The following FLT1 variants were observed in gnomAD, a reference collection of about 807,000 sequenced individuals.
FLT1 encodes vascular endothelial growth factor receptor 1.
Under a neutral mutation model 156.3 loss-of-function variants are expected in FLT1, and 49 were observed. The ratio of observed to expected loss-of-function variants is 0.31; its 90% CI spans 0.25 to 0.40. The LOEUF (loss-of-function observed/expected upper bound fraction) is 0.40. FLT1 is among the 10% of genes least tolerant of loss of function. The pLI is 1.00. For missense variants in FLT1, 1,322 were observed against 1,637.2 expected, an observed-to-expected ratio of 0.81 and a Z score of 3.32; for synonymous variants, 594 against 583.8, an observed-to-expected ratio of 1.02 and a Z score of -0.25.
At chr13:28,427,583 A>T (rs1227806755) in intron 9 of FLT1, among the ~76,000 whole-genome samples, 169 bp downstream of exon 9, 1 of 152,232 alleles carries the variant, frequency 6.6e-6, no homozygotes, top group Non-Finnish European at 1.5e-5. Context: ...ATGGAATACA[A>T]CAAACAAACA....
At chr13:28,480,082 A>G (rs903472089) in intron 1 of FLT1, among the ~76,000 whole-genome samples, 42 of 152,276 alleles carry the variant, frequency 2.8e-4, no homozygotes, top group African/African-American at 1.0e-3. Context: ...TGATGAACTG[A>G]GTTAAGGGTT....
rs554338668 is a variant in FLT1, at chr13:28,357,889, T to C, written c.2117-204A>G. On this transcript the variant is annotated intron_variant, in intron 14 of 29. Transcript: ENST00000282397. The stretch of plus-strand genomic sequence containing the variant: ...TTTCCTTTTTTTTTTTTTTTTTTTT[T>C]CTGCAGGCTTTCTAATAGCACCTTC... Among the ~76,000 whole-genome samples the C allele has an allele frequency of 3.0e-3, 435 of 145,180 alleles. 2 individuals are homozygous for C. Among genetic ancestry groups the C allele is most frequent in the Non-Finnish European group, 4.0e-3 (264 of 66,476 alleles).
At chr13:28,389,426 T>C (rs1874563402) in intron 13 of FLT1, 1 of 1,283,696 alleles carries the variant, frequency 7.8e-7, no homozygotes, top group Non-Finnish European at 9.8e-7. Flanking sequence ...TCATCCCAAG[T>C]TGTTGTTTAT....
At position 28,322,865 on chromosome 13, in the gene FLT1, C is replaced by A. The variant is rs554058758; in HGVS notation, c.2878G>T (p.Val960Phe). The A allele has an allele frequency of 6.2e-7, 1 of 1,614,002 alleles. No homozygotes were observed. Among genetic ancestry groups the A allele is most frequent in the Non-Finnish European group, 8.5e-7 (1 of 1,180,008 alleles). Reference sequence around the variant, plus strand: ...CTCGCAAAGCTTTCGCTGCTGGTGACGCTATCTAGTCTTGGTTTCTTGCCT... The same window carrying A: ...CTCGCAAAGCTTTCGCTGCTGGTGAAGCTATCTAGTCTTGGTTTCTTGCCT... The part of the protein sequence containing the change: ...EQGKKPRLDS[V>F]TSSESFASSG... The change falls in exon 21 of 30, where the codon GTC (valine) becomes TTC (phenylalanine). Residue 960 changes from valine to phenylalanine, a missense_variant. This residue lies in a region of FLT1 where 991 missense variants were observed against 1,254.8 expected (regional missense o/e 0.79). Coordinates refer to ENST00000282397, the MANE Select transcript of FLT1 (RefSeq NM_002019.4). This position sits in a 1 kb window ranked among gnomAD's most constrained non-coding sequence, Gnocchi z 4.3.
At chr13:28,365,168 C>G (rs1873243731) in intron 14 of FLT1, among the ~76,000 whole-genome samples, 1 of 152,022 alleles carries the variant, frequency 6.6e-6, no homozygotes, top group Admixed American at 6.6e-5. Flanking sequence ...TTTAGGTTTT[C>G]TTTTATGTCA....
intron 14 of FLT1, among the ~76,000 whole-genome samples, chr13:28,365,690 C>T (rs1873266566): frequency 6.6e-6 from 1 of 152,134 alleles, no homozygotes; most frequent in South Asian, 2.1e-4. Flanking sequence ...CTTTGTGTTT[C>T]TGAGATAGTT....
chr13:28,314,379 C>T (rs1306564651), intron 25 of FLT1, among the ~76,000 whole-genome samples: 1 of 151,956 alleles, frequency 6.6e-6, no homozygotes, highest in Non-Finnish European at 1.5e-5. Flanking sequence ...CAAATCATCT[C>T]AGCAAACATC....
rs1373910217 is a variant in FLT1 at position 28,302,431 on chromosome 13, T to C, written c.*736A>G. 1.7e-5 allele frequency: 4 copies of C among 233,156 alleles called. No homozygotes were observed. The highest frequency in any genetic ancestry group is 3.4e-5 in the Non-Finnish European group (4 of 118,072). 14.4% of individuals were successfully genotyped at this position (233,156 alleles called of 1,614,324 possible). A position where few individuals can be genotyped will look rare whatever the true frequency, so the allele number is the denominator to read the frequency against. On this transcript the variant is annotated 3_prime_UTR_variant, in exon 30 of 30. Transcript: ENST00000282397. Reference sequence around the variant, plus strand: ...GAGAATGGACATAGAACCACTTCCATAGGTAAAGTTCTAAAATTTGCTTTA... The same window carrying C: ...GAGAATGGACATAGAACCACTTCCACAGGTAAAGTTCTAAAATTTGCTTTA...
intron 3 of FLT1, among the ~76,000 whole-genome samples, chr13:28,447,472 C>A (rs886705517): frequency 6.6e-6 from 1 of 152,092 alleles, no homozygotes; most frequent in Non-Finnish European, 1.5e-5. Flanking sequence ...CAGGCATGAG[C>A]CACCACACCT....
At chr13:28,418,965 T>G (rs1876824153) in intron 10 of FLT1, among the ~76,000 whole-genome samples, 1 of 152,112 alleles carries the variant, frequency 6.6e-6, no homozygotes, top group Non-Finnish European at 1.5e-5. Context: ...TAATCACCAT[T>G]CCGTAAAACT....
At chr13:28,413,196 C>G (rs1262921955) in intron 10 of FLT1, among the ~76,000 whole-genome samples, 2 of 152,128 alleles carry the variant, frequency 1.3e-5, no homozygotes, top group Non-Finnish European at 2.9e-5. Context: ...TGGGCCACCT[C>G]TGTTTAGATA....
Position 28,467,030 on chromosome 13 carries a change from T to C in FLT1, c.261A>G (p.Gln87=). The C allele has an allele frequency of 1.2e-6, 2 of 1,614,122 alleles. No individual in the cohort carries two copies. Among genetic ancestry groups the C allele is most frequent in the Non-Finnish European group, 1.7e-6 (2 of 1,179,948 alleles). Residue 87 remains glutamine, a synonymous_variant, in exon 3 of 30, where the codon CAA becomes CAG. Transcript: ENST00000282397. ...TKSACGRNGK[Q]FCSTLTLNTA... is the part of the protein sequence containing the mutation. ...TGTTCAAGGTTAAAGTACTGCAGAA[T>C]TGTTTGCCATTTCTTCCACAGGCAG...
At chr13:28,372,069 TATATA>T (rs1873614836) in intron 14 of FLT1, among the ~76,000 whole-genome samples, 2 of 28,820 alleles carry the variant, frequency 6.9e-5, no homozygotes, top group Admixed American at 8.9e-4. Context: ...TATATATATA[TATATA>T]TATTTTTTTT....
intron 14 of FLT1, among the ~76,000 whole-genome samples, chr13:28,376,747 G>A (rs771548309): frequency 3.9e-5 from 6 of 152,110 alleles, no homozygotes; most frequent in Admixed American, 1.3e-4. Context: ...AATATTTTAC[G>A]ACCTCATTGG....
chr13:28,349,492 A>T (rs1354027373), intron 15 of FLT1, among the ~76,000 whole-genome samples: 1 of 151,978 alleles, frequency 6.6e-6, no homozygotes, highest in Non-Finnish European at 1.5e-5. Flanking sequence ...ACACGCACAC[A>T]TTCTTGCTTA....
intron 14 of FLT1, among the ~76,000 whole-genome samples, chr13:28,376,787 G>T (rs1237703562): frequency 6.6e-6 from 1 of 152,196 alleles, no homozygotes. Flanking sequence ...AGGTAGAAAG[G>T]AGACTTTTTG....
At chr13:28,463,431 C>A (rs1337031109) in intron 3 of FLT1, among the ~76,000 whole-genome samples, 1 of 152,118 alleles carries the variant, frequency 6.6e-6, no homozygotes, top group Non-Finnish European at 1.5e-5. Flanking sequence ...GAGCTATACT[C>A]CTGATTCTTT....
At chr13:28,303,600 G>C (rs1870612501) in intron 29 of FLT1, among the ~76,000 whole-genome samples, 1 of 151,918 alleles carries the variant, frequency 6.6e-6, no homozygotes, top group Non-Finnish European at 1.5e-5. Context: ...CTGGGGGAGG[G>C]TATGAAATGT....
intron 16 of FLT1, among the ~76,000 whole-genome samples, chr13:28,341,954 C>A (rs1473011599): frequency 6.6e-6 from 1 of 152,160 alleles, no homozygotes; most frequent in African/African-American, 2.4e-5. Context: ...ATGATCTCAG[C>A]TCACTGCAAC....
Sources: allele counts gnomAD v4.1 joint callset (sites outside exome capture counted in the v4.1 genomes callset), GRCh38; gene constraint gnomAD v4.1.1; regional missense constraint gnomAD v4.1.1; non-coding constraint Gnocchi (gnomAD v3.1); transcripts MANE v1.5; gene names NCBI Gene and HGNC (gene_info 2026-07-23, HGNC 2026-07-21).